The following FBN2 variants were observed in gnomAD, a reference collection of about 807,000 sequenced individuals.
FBN2 encodes the protein fibrillin 2, also known as fibrillin-2.
A neutral mutation model predicts 355.6 loss-of-function variants in FBN2; 105 were observed. The observed-to-expected ratio is 0.30, with a 90% CI of 0.25 to 0.35. The LOEUF is 0.35. Ranked by LOEUF, FBN2 falls within the 10% of genes least tolerant of loss-of-function variation. The pLI, the probability that FBN2 is intolerant of heterozygous loss-of-function variation, is 1.00. For synonymous variants in FBN2, 1,350 were observed against 1,301.2 expected, an observed-to-expected ratio of 1.04 and a Z score of -0.81; for missense variants, 3,280 against 3,758.7, an observed-to-expected ratio of 0.87 and a Z score of 3.33.
chr5:128,277,753 C>A, intron 58 of FBN2, 127 bp downstream of exon 58: 2 of 1,113,632 alleles, frequency 1.8e-6, no homozygotes, highest in Admixed American at 1.9e-5. Context: ...GAGAGGATGG[C>A]AACATTTTAA....
At chr5:128,536,184 A>G (rs113393194) in intron 2 of FBN2, among the ~76,000 whole-genome samples, 15 of 152,330 alleles carry the variant, frequency 9.8e-5, no homozygotes, top group African/African-American at 3.6e-4. Context: ...AATCTTTATC[A>G]TTATTGCCCT....
chr5:128,320,605 C>A (rs1429507186), intron 34 of FBN2, among the ~76,000 whole-genome samples: 3 of 152,146 alleles, frequency 2.0e-5, no homozygotes, highest in Non-Finnish European at 4.4e-5. Context: ...AGATTACTGT[C>A]TTTCCTTTAT....
At chr5:128,288,714 AGT>A (rs1383495337) in intron 52 of FBN2, among the ~76,000 whole-genome samples, 157 bp from the exon 53 acceptor site, 15 of 152,204 alleles carry the variant, frequency 9.9e-5, no homozygotes, top group Admixed American at 2.0e-4. Flanking sequence ...GCAGCTATGT[AGT>A]GCAGAGGGTC....
chr5:128,472,745 C>G (rs781713384), intron 5 of FBN2, among the ~76,000 whole-genome samples: 5 of 150,866 alleles, frequency 3.3e-5, no homozygotes, highest in Non-Finnish European at 5.9e-5. Context: ...GAGCTGAGAT[C>G]GCGCCATTGC....
At chr5:128,456,000 A>ACAAC (rs1293807502) in intron 6 of FBN2, among the ~76,000 whole-genome samples, 2 of 136,060 alleles carry the variant, frequency 1.5e-5, no homozygotes, top group Non-Finnish European at 3.1e-5. Context: ...CAAAAAAAAA[A>ACAAC]AAAAAAAAAA....
At chr5:128,407,514 A>G (rs1030193410) in intron 8 of FBN2, among the ~76,000 whole-genome samples, 2 of 152,164 alleles carry the variant, frequency 1.3e-5, no homozygotes, top group African/African-American at 2.4e-5. Context: ...CCAGTGCCTT[A>G]CACACGGTAT....
At chr5:128,320,234 T>C (rs79335115) in intron 34 of FBN2, among the ~76,000 whole-genome samples, 1 of 152,018 alleles carries the variant, frequency 6.6e-6, no homozygotes, top group Non-Finnish European at 1.5e-5. Flanking sequence ...TTTTTTTTTT[T>C]CAGACAGGTT....
chr5:128,462,797 A>G (rs1490580214), intron 6 of FBN2, among the ~76,000 whole-genome samples: 1 of 152,210 alleles, frequency 6.6e-6, no homozygotes, highest in Non-Finnish European at 1.5e-5. Context: ...GGTTGAAGTT[A>G]AAGGCTTTTC....
intron 7 of FBN2, among the ~76,000 whole-genome samples, chr5:128,409,805 T>C (rs944197343): frequency 5.9e-5 from 9 of 152,140 alleles, no homozygotes; most frequent in African/African-American, 2.2e-4. Context: ...TTCAGTTGCA[T>C]TTATTCTTTT....
chr5:128,477,082 T>C (rs937765976), intron 5 of FBN2, among the ~76,000 whole-genome samples: 1 of 152,236 alleles, frequency 6.6e-6, no homozygotes, highest in Non-Finnish European at 1.5e-5. Context: ...TTTTAAATCA[T>C]GTATAGCTGT....
chr5:128,302,682 C>T (rs763923536), intron 46 of FBN2, among the ~76,000 whole-genome samples: 1 of 152,162 alleles, frequency 6.6e-6, no homozygotes, highest in African/African-American at 2.4e-5. Flanking sequence ...AATACAAATA[C>T]CCTAAACCAT....
intron 38 of FBN2, 78 bp from the exon 39 acceptor site, chr5:128,311,503 G>A: frequency 1.3e-6 from 2 of 1,493,030 alleles, no homozygotes; most frequent in Non-Finnish European, 1.9e-6. Flanking sequence ...TTTCAAAAGT[G>A]TGATCTTGTA....
Position 128,310,063 on chromosome 5 carries a change from G to A in FBN2, c.5120C>T (p.Thr1707Ile), listed in dbSNP as rs572030603. 1 of 1,613,496 alleles carries A rather than the reference G, an allele frequency of 6.2e-7. No individual in the cohort carries two copies. The highest frequency in any genetic ancestry group is 1.7e-5 in the Admixed American group (1 of 59,978). The change falls in exon 40 of 65, where the codon ACC becomes ATC. Residue 1707 changes from threonine to isoleucine, a missense_variant. Physicochemically the swap from Thr to Ile is moderately conservative, Grantham distance 89. This residue lies in a region of FBN2 where 2,284 missense variants were observed against 2,749.5 expected (regional missense o/e 0.83). Coordinates refer to ENST00000262464, the MANE Select transcript of FBN2 (RefSeq NM_001999.4). ...FAHPGVCGPG[T>I]CYNTLGNYTC... ...GTAATTTCCCAGGGTGTTATAGCAG[G>A]TCCCAGGCCCACACACACCAGGATG...
intron 6 of FBN2, among the ~76,000 whole-genome samples, chr5:128,455,297 C>A (rs1252254548): frequency 2.6e-5 from 4 of 152,000 alleles, no homozygotes; most frequent in African/African-American, 9.7e-5. Flanking sequence ...AATTTTAAGT[C>A]CTATATGAGT....
intron 16 of FBN2, among the ~76,000 whole-genome samples, chr5:128,367,586 G>A (rs1330593150): frequency 6.6e-6 from 1 of 151,940 alleles, no homozygotes; most frequent in Non-Finnish European, 1.5e-5. Flanking sequence ...AAATAAAAAA[G>A]AATTTATATT....
intron 6 of FBN2, among the ~76,000 whole-genome samples, chr5:128,461,018 T>C (rs1467230465): frequency 6.6e-6 from 1 of 152,118 alleles, no homozygotes; most frequent in Non-Finnish European, 1.5e-5. Flanking sequence ...TGAATTAAAC[T>C]AAAGAGCTTC....
chr5:128,284,221 C>T (rs544129764), intron 55 of FBN2, among the ~76,000 whole-genome samples: 1 of 152,066 alleles, frequency 6.6e-6, no homozygotes, highest in East Asian at 1.9e-4. Context: ...TTAATTTAAC[C>T]CTCCCAATAA....
At chr5:128,282,530 T>G (rs1748991820) in intron 55 of FBN2, among the ~76,000 whole-genome samples, 1 of 152,150 alleles carries the variant, frequency 6.6e-6, no homozygotes, top group African/African-American at 2.4e-5. Context: ...CTTCCAAGTT[T>G]GATTATGTAT....
At chr5:128,415,747 T>C (rs1280663591) in intron 7 of FBN2, among the ~76,000 whole-genome samples, 1 of 152,194 alleles carries the variant, frequency 6.6e-6, no homozygotes, top group Non-Finnish European at 1.5e-5. Context: ...ACATGGCAGT[T>C]TTATTTGTAA....
Sources: gnomAD v4.1 joint callset for allele counts (sites outside exome capture counted in the v4.1 genomes callset) on GRCh38, gnomAD v4.1.1 for gene constraint, gnomAD v4.1.1 regional missense constraint, MANE v1.5 for transcripts, NCBI Gene and HGNC (gene_info 2026-07-23, HGNC 2026-07-21) for gene names.